MYO1B: variants seen among roughly 807,000 people sequenced by gnomAD.
MYO1B encodes unconventional myosin-Ib.
Under a neutral mutation model 159.7 loss-of-function variants are expected in MYO1B, and 72 were observed. That is an observed-to-expected ratio of 0.45 (90% CI 0.37 to 0.55). The LOEUF (loss-of-function observed/expected upper bound fraction) is 0.55, where lower values mean the gene tolerates loss of function less well. MYO1B is among the 20% of genes least tolerant of loss of function. The pLI is 0.00. For missense variants in MYO1B, 1,062 were observed against 1,364.8 expected (o/e 0.78, Z 3.50); for synonymous variants, 468 against 473.8 (o/e 0.99, Z 0.16).
intron 17 of MYO1B, among the ~76,000 whole-genome samples, chr2:191,389,719 G>A (rs1695627201): frequency 6.6e-6 from 1 of 152,222 alleles, no homozygotes. Flanking sequence ...AACAGATATA[G>A]GGAGGAAACA....
chr2:191,287,253 C>A (rs1377729580), intron 2 of MYO1B, among the ~76,000 whole-genome samples: 1 of 151,980 alleles, frequency 6.6e-6, no homozygotes, highest in Non-Finnish European at 1.5e-5. Flanking sequence ...TCAGGCCAGG[C>A]GCGGTGGCTC....
chr2:191,283,595 G>T (rs1480615826), intron 2 of MYO1B, among the ~76,000 whole-genome samples: 1 of 152,184 alleles, frequency 6.6e-6, no homozygotes, highest in African/African-American at 2.4e-5. Flanking sequence ...TGTACTATAG[G>T]TTTTTAAATT....
At chr2:191,260,716 C>T (rs113350164) in intron 1 of MYO1B, among the ~76,000 whole-genome samples, 21 of 152,166 alleles carry the variant, frequency 1.4e-4, no homozygotes, top group African/African-American at 4.8e-4. Context: ...AATTATGAAA[C>T]TCAAATTTAG....
intron 5 of MYO1B, among the ~76,000 whole-genome samples, chr2:191,342,259 G>A (rs1420415941): frequency 6.6e-6 from 1 of 152,086 alleles, no homozygotes; most frequent in Non-Finnish European, 1.5e-5. Flanking sequence ...AAGCTCTCTG[G>A]AATCTCTTCT....
At chr2:191,297,626 T>A (rs1689065495) in intron 3 of MYO1B, among the ~76,000 whole-genome samples, 1 of 152,172 alleles carries the variant, frequency 6.6e-6, no homozygotes, top group Admixed American at 6.5e-5. Flanking sequence ...GATGAGGAAA[T>A]GTTCAGTAAA....
rs1307466506 is a variant in MYO1B, at chr2:191,271,121, TAG to T, written c.-9-5764_-9-5763del. 2.6e-5 allele frequency among the ~76,000 whole-genome samples: 4 copies of T among 152,198 alleles called. No homozygotes were observed. In the East Asian group the frequency reaches 5.8e-4, roughly 22 times the overall value. On this transcript the variant is annotated intron_variant, in intron 1 of 30. Transcript: ENST00000392318. ...TCTTGACACCAAAGAGCTGATTTTC[TAG>T]AAAAGGTGCTGTCATGCATACATGA...
chr2:191,422,846 C>A (rs915158846), intron 30 of MYO1B, among the ~76,000 whole-genome samples: 3 of 150,698 alleles, frequency 2.0e-5, no homozygotes, highest in Admixed American at 2.0e-4. Context: ...TTTTTTTTTG[C>A]CGTGGAAAAA....
chr2:191,414,753 T>C, intron 29 of MYO1B, 84 bp downstream of exon 29: 2 of 1,431,848 alleles, frequency 1.4e-6, no homozygotes, highest in Non-Finnish European at 1.9e-6. Flanking sequence ...CCTATCGCAG[T>C]TTATATATCT....
intron 20 of MYO1B, 23 bp from the exon 21 acceptor site, chr2:191,396,406 T>C: frequency 6.2e-7 from 1 of 1,612,846 alleles, no homozygotes; most frequent in Middle Eastern, 1.7e-4. Context: ...CAACTGCCAA[T>C]ATCTTCCCCT....
chr2:191,370,357 T>G, intron 13 of MYO1B, 65 bp downstream of exon 13: 1 of 1,107,648 alleles, frequency 9.0e-7, no homozygotes. Context: ...TTAAATCCTG[T>G]ATTATGTAGA....
At position 191,396,425 on chromosome 2, in the gene MYO1B, A is replaced by G; in HGVS notation, c.2227-4A>G. On this transcript the variant is annotated splice_region_variant and splice_polypyrimidine_tract_variant and intron_variant, in intron 20 of 30. Coordinates refer to ENST00000392318, the MANE Select transcript of MYO1B (RefSeq NM_001130158.3). ...TGCCAATATCTTCCCCTTTTATCCT[A>G]CAGCAACAAAAGAGGTACCAGCAGA... 1.2e-6 allele frequency: 2 copies of G among 1,614,048 alleles called. No individual in the cohort carries two copies. The highest frequency in any genetic ancestry group is 1.7e-6 in the Non-Finnish European group (2 of 1,179,914).
intron 4 of MYO1B, among the ~76,000 whole-genome samples, chr2:191,341,157 A>G (rs1460626116): frequency 6.6e-6 from 1 of 152,116 alleles, no homozygotes; most frequent in Non-Finnish European, 1.5e-5. Flanking sequence ...TAATATAATA[A>G]TTATATATAA....
chr2:191,414,526 C>A lies in MYO1B; in HGVS notation c.3016C>A (p.Arg1006=), dbSNP rs766711250. 1 of 1,606,926 alleles carries A rather than the reference C, an allele frequency of 6.2e-7. No homozygotes were observed. The highest frequency in any genetic ancestry group is 1.7e-5 in the Admixed American group (1 of 58,480). Residue 1006 remains arginine (R), a synonymous_variant, in exon 29 of 31, where the codon CGG becomes AGG. Transcript: ENST00000392318. The stretch of plus-strand genomic sequence containing the variant: ...TTTTATTTTGATTTAGAGTACATCT[C>A]GGATTTTCCTCTTAACAAACAATAA... ...INRANGKSTS[R]IFLLTNNNLL...
At chr2:191,389,755 A>G (rs1354615400) in intron 17 of MYO1B, among the ~76,000 whole-genome samples, 1 of 152,236 alleles carries the variant, frequency 6.6e-6, no homozygotes, top group Non-Finnish European at 1.5e-5. Context: ...TTATTGAGGT[A>G]TAATACACAT....
In MYO1B at chr2:191,274,286, C is replaced by T. The variant is rs1687624205; in HGVS notation, c.-9-2601C>T. ...CCTGTAACTCAGCATTTCTTTTGCACTCTATTCCTCTTTGGATTAGAAAGT... is the reference window on the plus strand; with the variant it reads ...CCTGTAACTCAGCATTTCTTTTGCATTCTATTCCTCTTTGGATTAGAAAGT... On this transcript the variant is annotated intron_variant, in intron 1 of 30. Transcript: ENST00000392318. Among the ~76,000 whole-genome samples, 11 of 152,278 alleles carry T rather than the reference C, an allele frequency of 7.2e-5. No homozygotes were observed. In the South Asian group the frequency reaches 2.3e-3, roughly 32 times the overall value.
intron 3 of MYO1B, among the ~76,000 whole-genome samples, chr2:191,308,677 T>G (rs963755978): frequency 6.6e-6 from 1 of 152,214 alleles, no homozygotes; most frequent in African/African-American, 2.4e-5. Flanking sequence ...GGTATGCTTA[T>G]TGTCTCTAGT....
intron 1 of MYO1B, among the ~76,000 whole-genome samples, chr2:191,254,458 C>G (rs1002127818): frequency 2.6e-5 from 4 of 152,052 alleles, no homozygotes; most frequent in Non-Finnish European, 5.9e-5. Context: ...GATCCACCCA[C>G]CTTGGCCTCC....
chr2:191,284,755 C>T (rs537096269), intron 2 of MYO1B, among the ~76,000 whole-genome samples: 1 of 152,238 alleles, frequency 6.6e-6, no homozygotes, highest in African/African-American at 2.4e-5. Context: ...GCCTCAGCCT[C>T]CTGAGTAGCT....
At chr2:191,341,092 A>C (rs1191936948) in intron 4 of MYO1B, among the ~76,000 whole-genome samples, 1 of 152,186 alleles carries the variant, frequency 6.6e-6, no homozygotes, top group South Asian at 2.1e-4. Flanking sequence ...AAACTTTAAA[A>C]ATACGTTTGG....
Sources: gnomAD v4.1 joint callset for allele counts (sites outside exome capture counted in the v4.1 genomes callset) on GRCh38, gnomAD v4.1.1 for gene constraint, MANE v1.5 for transcripts, NCBI Gene and HGNC (gene_info 2026-07-23, HGNC 2026-07-21) for gene names.